Variants in PINX1 observed in about 807,000 individuals in gnomAD.
PINX1 encodes the protein PIN2 (TERF1) interacting telomerase inhibitor 1.
Under a neutral mutation model 25.4 loss-of-function variants are expected in PINX1, and 34 were observed. The ratio of observed to expected loss-of-function variants is 1.34; its 90% CI spans 1.02 to 1.78. PINX1 has a LOEUF of 1.78. Among genes scored for constraint, PINX1 ranks in the 40% most tolerant of loss-of-function variants. The pLI is 0.00. For synonymous variants in PINX1, 197 were observed against 147.7 expected (o/e 1.33, Z -2.42); for missense variants, 592 against 404.9 (o/e 1.46, Z -3.97).
chr8:10,830,905 T>TA (rs1187927158), intron 4 of PINX1, among the ~76,000 whole-genome samples: 1 of 152,114 alleles, frequency 6.6e-6, no homozygotes, highest in African/African-American at 2.4e-5. Context: ...CTCAAAAAGT[T>TA]AAAAATAGAA....
At position 10,827,767 on chromosome 8, in the gene PINX1, C is replaced by T. The variant is rs1047929527; in HGVS notation, c.302-1523G>A. Among the ~76,000 whole-genome samples, 34 of 151,658 alleles carry T rather than the reference C, an allele frequency of 2.2e-4. No individual in the cohort carries two copies. In the East Asian group the frequency reaches 3.7e-3, roughly 16 times the overall value. ...TAAAAATACAAAAAAAAAAATTAGCCGGGCGTGGTGGCGGGCACCTGTAGT... is the reference window on the plus strand; with the variant it reads ...TAAAAATACAAAAAAAAAAATTAGCTGGGCGTGGTGGCGGGCACCTGTAGT... On this transcript the variant is annotated intron_variant, in intron 4 of 6. Coordinates refer to ENST00000314787, the MANE Select transcript of PINX1 (RefSeq NM_017884.6).
chr8:10,801,299 G>A (rs988277970), intron 6 of PINX1, among the ~76,000 whole-genome samples: 1 of 152,232 alleles, frequency 6.6e-6, no homozygotes, highest in Non-Finnish European at 1.5e-5. Context: ...AGGAGAGGAT[G>A]ATGGTGCCCC....
intron 6 of PINX1, among the ~76,000 whole-genome samples, chr8:10,780,846 A>C (rs7008259): frequency 0.12 from 18,551 of 152,248 alleles, 1,726 homozygotes; most frequent in African/African-American, 0.26. Context: ...AGAAATAGAA[A>C]AAACAATTCT....
rs1222550237 is a variant in PINX1, at chr8:10,831,773, T to G, written c.223-30A>C. On this transcript the variant is annotated intron_variant, in intron 3 of 6. Coordinates refer to ENST00000314787, the MANE Select transcript of PINX1 (RefSeq NM_017884.6). ...AAATATCAAAGAAATGAACGAGAGG[T>G]AAGCCTGTAGTTTACTTACACTGAC... 21 of 1,359,022 alleles carry G rather than the reference T, an allele frequency of 1.5e-5. No homozygotes were observed. The Admixed American group carries it at 4.0e-4, about 26-fold the overall frequency. The allele number at this position is 1,359,022 out of a possible 1,614,324, so 84.2% of individuals were successfully genotyped here. A position where few individuals can be genotyped will look rare whatever the true frequency, so the allele number is the denominator to read the frequency against.
chr8:10,772,489 T>C (rs1487713859), intron 6 of PINX1, among the ~76,000 whole-genome samples: 1 of 152,264 alleles, frequency 6.6e-6, no homozygotes, highest in Admixed American at 6.5e-5. Flanking sequence ...CAGTGTTTTA[T>C]TGATGAACAG....
intron 4 of PINX1, among the ~76,000 whole-genome samples, chr8:10,828,915 G>A (rs1007548721): frequency 2.6e-5 from 4 of 152,170 alleles, no homozygotes; most frequent in Non-Finnish European, 5.9e-5. Context: ...CTCATCAGGA[G>A]GTGCACTGCC....
intron 6 of PINX1, among the ~76,000 whole-genome samples, chr8:10,769,556 C>T (rs1042710804): frequency 6.6e-6 from 1 of 152,218 alleles, no homozygotes; most frequent in African/African-American, 2.4e-5. Flanking sequence ...GAGGAAGCTT[C>T]ACCCAAAGTG....
intron 3 of PINX1, 150 bp from the exon 4 acceptor site, chr8:10,831,893 T>C (rs1338256351): frequency 1.6e-6 from 1 of 617,038 alleles, no homozygotes; most frequent in Non-Finnish European, 2.9e-6. Flanking sequence ...TTAAGTGGAT[T>C]CAAGAAATAA....
chr8:10,813,856 C>A (rs1011634920), intron 6 of PINX1, among the ~76,000 whole-genome samples: 2 of 132,232 alleles, frequency 1.5e-5, no homozygotes, highest in African/African-American at 2.9e-5. Context: ...AATCCGGAAA[C>A]AAGCTGGAGA....
intron 6 of PINX1, among the ~76,000 whole-genome samples, chr8:10,775,656 A>C (rs1801369187): frequency 6.6e-6 from 1 of 152,042 alleles, no homozygotes; most frequent in Non-Finnish European, 1.5e-5. Context: ...ATAAAATATC[A>C]GCTAGCAAAG....
At chr8:10,804,663 G>C (rs1454067410) in intron 6 of PINX1, among the ~76,000 whole-genome samples, 1 of 151,910 alleles carries the variant, frequency 6.6e-6, no homozygotes, top group Non-Finnish European at 1.5e-5. Context: ...ATAATGATTA[G>C]GAATGGTTTC....
chr8:10,776,707 G>A (rs575455477), intron 6 of PINX1, among the ~76,000 whole-genome samples: 2 of 152,222 alleles, frequency 1.3e-5, no homozygotes, highest in East Asian at 3.9e-4. Flanking sequence ...GTAAGGTCAG[G>A]AAGGGACCAC....
At position 10,835,914 on chromosome 8, in the gene PINX1, T is replaced by C. The variant is rs144050221; in HGVS notation, c.20-1139A>G. On this transcript the variant is annotated intron_variant, in intron 1 of 6. Coordinates refer to ENST00000314787, the MANE Select transcript of PINX1 (RefSeq NM_017884.6). ...ATCATTATGAACTCCAGTTTATCAC[T>C]GTCGTTTTAAGGAAAATTATGGCAA... 7.3e-3 allele frequency among the ~76,000 whole-genome samples: 1,104 copies of C among 152,264 alleles called. 15 individuals are homozygous for C. The highest frequency in any genetic ancestry group is 0.025 in the African/African-American group (1,037 of 41,508).
Position 10,765,534 on chromosome 8 carries a change from T to C in PINX1, c.854A>G (p.Glu285Gly), listed in dbSNP as rs768868017. ...GGGCTTCAGGGTGAAGTCCCGGCCC[T>C]CAGGCGGCTGCACATGGTCCCCTGC... ...QDAGDHVQPPEGRDFTLKPKK... is the reference protein window; with the variant it reads ...QDAGDHVQPPGGRDFTLKPKK... The change falls in exon 7 of 7, where the codon GAG becomes GGG. Residue 285 changes from glutamate to glycine, a missense_variant. By Grantham distance (98) the Glu-to-Gly change is moderately conservative (BLOSUM62 -2). Coordinates refer to ENST00000314787, the MANE Select transcript of PINX1 (RefSeq NM_017884.6). 1 of 1,613,784 alleles carries C rather than the reference T, an allele frequency of 6.2e-7. No homozygotes were observed. Among genetic ancestry groups the C allele is most frequent in the East Asian group, 2.2e-5 (1 of 44,878 alleles).
At chr8:10,802,696 G>A (rs567850361) in intron 6 of PINX1, among the ~76,000 whole-genome samples, 6 of 152,096 alleles carry the variant, frequency 3.9e-5, no homozygotes, top group East Asian at 1.9e-4. Context: ...ACCTCACTTC[G>A]GTCCCATGGG....
intron 6 of PINX1, among the ~76,000 whole-genome samples, chr8:10,809,987 T>C (rs1802576640): frequency 6.6e-6 from 1 of 152,194 alleles, no homozygotes; most frequent in African/African-American, 2.4e-5. Flanking sequence ...CTTCCAATCA[T>C]GGTGGAAGGA....
At chr8:10,783,160 A>G (rs1456547024) in intron 6 of PINX1, among the ~76,000 whole-genome samples, 1 of 152,240 alleles carries the variant, frequency 6.6e-6, no homozygotes, top group Non-Finnish European at 1.5e-5. Context: ...GAAATTTATG[A>G]CATTTATGAA....
intron 1 of PINX1, among the ~76,000 whole-genome samples, chr8:10,838,851 C>G (rs1006565295): frequency 8.5e-5 from 13 of 152,204 alleles, no homozygotes; most frequent in African/African-American, 3.1e-4. Flanking sequence ...ATTTCTGCCC[C>G]TGTAAAATCG....
chr8:10,785,893 T>G (rs571767914), intron 6 of PINX1, among the ~76,000 whole-genome samples: 13 of 152,314 alleles, frequency 8.5e-5, no homozygotes, highest in African/African-American at 2.9e-4. Flanking sequence ...GCTAGACAAG[T>G]GTTTAGGTTT....
Sources: allele counts gnomAD v4.1 joint callset (sites outside exome capture counted in the v4.1 genomes callset), GRCh38; gene constraint gnomAD v4.1.1; transcripts MANE v1.5; gene names NCBI Gene and HGNC (gene_info 2026-07-23, HGNC 2026-07-21).